WHRN: variants seen among roughly 807,000 people sequenced by gnomAD.
WHRN encodes the protein CASK-interacting protein CIP98.
A neutral mutation model predicts 68.3 loss-of-function variants in WHRN; 41 were observed. The ratio of observed to expected loss-of-function variants is 0.60; its 90% CI spans 0.47 to 0.78. The LOEUF is 0.78. Ranked by LOEUF, WHRN falls within the 30% of genes least tolerant of loss-of-function variation. The probability of loss-of-function intolerance (pLI) is 0.00; values close to 1 mark genes in which losing one functional copy is unlikely to be tolerated. For missense variants in WHRN, 1,243 were observed against 1,244.7 expected (o/e 1.00, Z 0.02); for synonymous variants, 560 against 561.3 (o/e 1.00, Z 0.03).
chr9:114,440,480 C>G (rs1051171069), intron 3 of WHRN, among the ~76,000 whole-genome samples: 13 of 152,136 alleles, frequency 8.5e-5, no homozygotes, highest in Non-Finnish European at 1.5e-4. Flanking sequence ...CTCAGGTGAT[C>G]CGCCCACTTC....
intron 3 of WHRN, among the ~76,000 whole-genome samples, chr9:114,457,400 GAATAA>G (rs1051715738): frequency 1.3e-5 from 2 of 152,042 alleles, no homozygotes; most frequent in African/African-American, 4.8e-5. Context: ...AGGCAAAGGA[GAATAA>G]AATAAGCATC....
chr9:114,426,172 C>T (rs1435326795), intron 4 of WHRN, 39 bp downstream of exon 4: 3 of 1,611,154 alleles, frequency 1.9e-6, no homozygotes, highest in Non-Finnish European at 2.5e-6. Context: ...CAGAAATGGC[C>T]CTGGGGTCTG....
In WHRN at chr9:114,424,433, G is replaced by A. The variant is rs756715564; in HGVS notation, c.1317C>T (p.His439=). The A allele has an allele frequency of 2.0e-5, 33 of 1,613,470 alleles. No individual in the cohort carries two copies. The highest frequency in any genetic ancestry group is 2.0e-4 in the East Asian group (9 of 44,878). ...QARHLLNEQE[H]ATMAYYLDEY... is the part of the protein sequence containing the mutation. ...CATCCAGGTAGTAGGCCATGGTGGC[G>A]TGTTCCTGCTCGTTCAGCAGGTGCC... Residue 439 remains histidine (H), a synonymous_variant, in exon 6 of 12, where the codon CAC becomes CAT. Coordinates refer to ENST00000362057, the MANE Select transcript of WHRN (RefSeq NM_015404.4).
chr9:114,404,118 T>C (rs770071244), intron 9 of WHRN, 41 bp from the exon 10 acceptor site: 1 of 1,598,954 alleles, frequency 6.3e-7, no homozygotes, highest in Non-Finnish European at 8.5e-7. Context: ...CTTATATAGC[T>C]GGGGTCAGGG....
chr9:114,466,135 C>T, intron 3 of WHRN, 132 bp downstream of exon 3: 1 of 1,405,742 alleles, frequency 7.1e-7, no homozygotes, highest in Non-Finnish European at 9.9e-7. Context: ...AGAGGTACAG[C>T]AGCCAGGGAG....
intron 3 of WHRN, among the ~76,000 whole-genome samples, chr9:114,426,781 C>T (rs141839415): frequency 1.2e-4 from 18 of 152,304 alleles, no homozygotes; most frequent in African/African-American, 2.6e-4. Context: ...GGTGGACATC[C>T]GTAATTTTCC....
intron 2 of WHRN, among the ~76,000 whole-genome samples, chr9:114,474,308 A>G (rs973241128): frequency 7.2e-5 from 11 of 152,176 alleles, no homozygotes; most frequent in African/African-American, 2.7e-4. Flanking sequence ...AGCTTTGCAC[A>G]CCTTCTTTTT....
chr9:114,469,431 C>G (rs962366243), intron 2 of WHRN, among the ~76,000 whole-genome samples: 1 of 152,206 alleles, frequency 6.6e-6, no homozygotes, highest in Admixed American at 6.5e-5. Context: ...GGACACTGCT[C>G]CCCCTCCAGG....
chr9:114,501,021 C>G (rs1245007763), intron 1 of WHRN, among the ~76,000 whole-genome samples: 1 of 152,156 alleles, frequency 6.6e-6, no homozygotes, highest in Non-Finnish European at 1.5e-5. Flanking sequence ...GTAGCACATA[C>G]CAAGCAAATC....
chr9:114,405,090 T>G (rs1329967050), intron 9 of WHRN, among the ~76,000 whole-genome samples: 1 of 133,086 alleles, frequency 7.5e-6, no homozygotes, highest in Non-Finnish European at 1.7e-5. Context: ...TTTTTTTTTT[T>G]TTGAGACAGA....
intron 2 of WHRN, chr9:114,478,336 C>T (rs990651003): frequency 1.4e-6 from 1 of 717,876 alleles, no homozygotes; most frequent in Admixed American, 2.0e-5. Flanking sequence ...TATTTAAGCT[C>T]TTTTATTGTG....
At chr9:114,422,540 G>A (rs910054716) in intron 7 of WHRN, among the ~76,000 whole-genome samples, 3 of 152,192 alleles carry the variant, frequency 2.0e-5, no homozygotes, top group Non-Finnish European at 4.4e-5. Context: ...GTCTGCAAGA[G>A]AGTCACGCTG....
At chr9:114,410,570 C>T (rs1185804372) in intron 7 of WHRN, among the ~76,000 whole-genome samples, 1 of 152,170 alleles carries the variant, frequency 6.6e-6, no homozygotes, top group Non-Finnish European at 1.5e-5. Flanking sequence ...CAGAGAGAGG[C>T]CAGTCATGCC....
In WHRN at chr9:114,423,414, G is replaced by C; in HGVS notation, c.1526C>G (p.Pro509Arg). The C allele has an allele frequency of 1.2e-6, 2 of 1,614,090 alleles. No individual in the cohort carries two copies. Among genetic ancestry groups the C allele is most frequent in the Non-Finnish European group, 1.7e-6 (2 of 1,180,004 alleles). ...GTAGGTGTCCCCAGCCCCGGGGCCT[G>C]GGGGCTGCCGCGCCTTCATGGACTC... ...EIESMKARQPPGPGAGDTYSM... is the reference protein window; with the variant it reads ...EIESMKARQPRGPGAGDTYSM... Residue 509 changes from proline (P) to arginine (R), a missense_variant, in exon 7 of 12, where the codon CCA becomes CGA. Coordinates refer to ENST00000362057, the MANE Select transcript of WHRN (RefSeq NM_015404.4).
chr9:114,486,203 C>G (rs888494796), intron 1 of WHRN, among the ~76,000 whole-genome samples: 2 of 152,036 alleles, frequency 1.3e-5, no homozygotes, highest in Non-Finnish European at 2.9e-5. Flanking sequence ...AAACACGTGT[C>G]CCCCAACTTT....
At chr9:114,447,362 C>T (rs182250682) in intron 3 of WHRN, among the ~76,000 whole-genome samples, 4 of 152,242 alleles carry the variant, frequency 2.6e-5, no homozygotes, top group African/African-American at 7.2e-5. Flanking sequence ...AGCCTCACAT[C>T]GGTAAACAAG....
At chr9:114,452,020 A>G (rs779651315) in intron 3 of WHRN, among the ~76,000 whole-genome samples, 16 of 152,180 alleles carry the variant, frequency 1.1e-4, no homozygotes, top group Non-Finnish European at 1.8e-4. Context: ...AATGCTGGCA[A>G]TTGCTGTTGT....
At chr9:114,497,202 G>T (rs1240636887) in intron 1 of WHRN, among the ~76,000 whole-genome samples, 2 of 152,138 alleles carry the variant, frequency 1.3e-5, no homozygotes, top group African/African-American at 4.8e-5. Context: ...GTTTATGGAA[G>T]GCTGATATAT....
chr9:114,487,347 T>C (rs964897030), intron 1 of WHRN, among the ~76,000 whole-genome samples: 3 of 151,550 alleles, frequency 2.0e-5, no homozygotes, highest in Admixed American at 6.6e-5. Flanking sequence ...TAAACACGTA[T>C]ATATACATAT....
Sources: gnomAD v4.1 joint callset for allele counts (sites outside exome capture counted in the v4.1 genomes callset) on GRCh38, gnomAD v4.1.1 for gene constraint, MANE v1.5 for transcripts, NCBI Gene and HGNC (gene_info 2026-07-23, HGNC 2026-07-21) for gene names.